MSRA: variants seen among roughly 807,000 people sequenced by gnomAD.
The protein encoded by MSRA is mitochondrial peptide methionine sulfoxide reductase.
A neutral mutation model predicts 31.3 loss-of-function variants in MSRA; 54 were observed. That is an observed-to-expected ratio of 1.73 (90% CI 1.39 to 2.17). MSRA has a LOEUF of 2.17. Ranked by LOEUF, MSRA falls within the 30% of genes most tolerant of loss-of-function variation. MSRA has a pLI of 0.00. For synonymous variants in MSRA, 169 were observed against 116.5 expected (o/e 1.45, Z -2.90); for missense variants, 507 against 300.9 (o/e 1.69, Z -5.07).
At chr8:10,077,215 A>G (rs902497064) in intron 1 of MSRA, among the ~76,000 whole-genome samples, 1 of 152,178 alleles carries the variant, frequency 6.6e-6, no homozygotes, top group Admixed American at 6.5e-5. Context: ...TTTGCCAACA[A>G]TGATGGGCAA....
At chr8:10,200,777 C>A (rs1337975021) in intron 1 of MSRA, among the ~76,000 whole-genome samples, 1 of 152,192 alleles carries the variant, frequency 6.6e-6, no homozygotes, top group Admixed American at 6.5e-5. Context: ...CTGTGAGGGA[C>A]AAACACAACC....
chr8:10,314,368 GGACTT>G (rs1321662573), intron 4 of MSRA, among the ~76,000 whole-genome samples: 1 of 151,810 alleles, frequency 6.6e-6, no homozygotes, highest in Non-Finnish European at 1.5e-5. Flanking sequence ...AATGGGCAAA[GGACTT>G]GAATTGTGGC....
chr8:10,411,510 A>C (rs980908903), intron 5 of MSRA: 1 of 146,392 alleles, frequency 6.8e-6, no homozygotes, highest in Non-Finnish European at 1.5e-5. Context: ...AAAAAAAAAA[A>C]ACCCAATCAT....
intron 3 of MSRA, among the ~76,000 whole-genome samples, chr8:10,285,654 A>G (rs2952251): frequency 0.77 from 114,626 of 149,340 alleles, 43,561 homozygotes; most frequent in Admixed American, 0.83. Context: ...CCTTCCCCCC[A>G]CTCCTTCCCC....
intron 4 of MSRA, among the ~76,000 whole-genome samples, chr8:10,318,959 C>G (rs555387110): frequency 6.6e-6 from 1 of 152,120 alleles, no homozygotes; most frequent in Non-Finnish European, 1.5e-5. Context: ...TTTGTTCTAC[C>G]TTCACCCTTG....
chr8:10,346,128 C>T (rs1328533428), intron 5 of MSRA, among the ~76,000 whole-genome samples: 1 of 152,156 alleles, frequency 6.6e-6, no homozygotes, highest in Admixed American at 6.5e-5. Context: ...CTAAGGATAC[C>T]AGGCCATCCC....
At chr8:10,425,335 A>C (rs141791860) in intron 5 of MSRA, among the ~76,000 whole-genome samples, 1 of 152,060 alleles carries the variant, frequency 6.6e-6, no homozygotes, top group Non-Finnish European at 1.5e-5. Context: ...TTTCTTAGTG[A>C]AGTGTCTGCC....
At chr8:10,264,030 T>C (rs547859588) in intron 3 of MSRA, among the ~76,000 whole-genome samples, 1 of 152,338 alleles carries the variant, frequency 6.6e-6, no homozygotes, top group Admixed American at 6.5e-5. Context: ...GTGTGTCTAC[T>C]TGTCATGAAA....
At chr8:10,380,699 T>A (rs956471408) in intron 5 of MSRA, among the ~76,000 whole-genome samples, 3 of 152,186 alleles carry the variant, frequency 2.0e-5, no homozygotes, top group Non-Finnish European at 4.4e-5. Flanking sequence ...ATACATTATT[T>A]TTGAATGGAT....
chr8:10,186,131 G>A (rs1780758789), intron 1 of MSRA, among the ~76,000 whole-genome samples: 1 of 152,142 alleles, frequency 6.6e-6, no homozygotes, highest in Non-Finnish European at 1.5e-5. Context: ...GGCCTTCTGT[G>A]CTCCTGGCCT....
intron 5 of MSRA, among the ~76,000 whole-genome samples, chr8:10,416,472 G>T (rs1026675659): frequency 9.2e-5 from 14 of 152,204 alleles, no homozygotes; most frequent in African/African-American, 2.9e-4. Flanking sequence ...TTATGTGAGG[G>T]CCCAGGGTGT....
At chr8:10,096,654 G>A (rs563711580) in intron 1 of MSRA, among the ~76,000 whole-genome samples, 6 of 152,192 alleles carry the variant, frequency 3.9e-5, no homozygotes, top group East Asian at 3.9e-4. Context: ...AAAGTTTACC[G>A]ATTTTCTTTT....
intron 3 of MSRA, among the ~76,000 whole-genome samples, chr8:10,277,840 A>G (rs1296525818): frequency 1.5e-5 from 1 of 65,082 alleles, no homozygotes; most frequent in East Asian, 5.9e-4. Context: ...CAATGTATAC[A>G]TATTTGAAAG....
At chr8:10,354,784 TATATA>T (rs1312625602) in intron 5 of MSRA, among the ~76,000 whole-genome samples, 2 of 146,426 alleles carry the variant, frequency 1.4e-5, no homozygotes, top group Non-Finnish European at 3.0e-5. Flanking sequence ...ATATACCAGT[TATATA>T]ATAAAATGTT....
chr8:10,082,424 G>A (rs1310624097), intron 1 of MSRA, among the ~76,000 whole-genome samples: 1 of 152,140 alleles, frequency 6.6e-6, no homozygotes, highest in Admixed American at 6.5e-5. Context: ...GGGCGAAGCT[G>A]TCCACCTTCC....
At chr8:10,116,492 A>G (rs1333786951) in intron 1 of MSRA, among the ~76,000 whole-genome samples, 2 of 152,204 alleles carry the variant, frequency 1.3e-5, no homozygotes, top group Non-Finnish European at 2.9e-5. Context: ...TGCGGTACAG[A>G]GAACAAAGAG....
intron 3 of MSRA, among the ~76,000 whole-genome samples, chr8:10,275,277 T>C (rs574049801): frequency 6.6e-6 from 1 of 152,222 alleles, no homozygotes. Context: ...ACGATCAAGT[T>C]TGAAGTTTCA....
chr8:10,081,206 G>T (rs1379707622), intron 1 of MSRA, among the ~76,000 whole-genome samples: 1 of 152,220 alleles, frequency 6.6e-6, no homozygotes, highest in African/African-American at 2.4e-5. Context: ...GGATGGGGCA[G>T]TGGCTGATTC....
chr8:10,089,151 C>A (rs189500359), intron 1 of MSRA, among the ~76,000 whole-genome samples: 2 of 152,190 alleles, frequency 1.3e-5, no homozygotes, highest in East Asian at 3.9e-4. Context: ...CACACACACA[C>A]ACACACACAC....
Sources: allele counts gnomAD v4.1 joint callset (sites outside exome capture counted in the v4.1 genomes callset), GRCh38; gene constraint gnomAD v4.1.1; transcripts MANE v1.5; gene names NCBI Gene and HGNC (gene_info 2026-07-23, HGNC 2026-07-21).